NHSL1: variants seen among roughly 807,000 people sequenced by gnomAD.
NHSL1 encodes NHS-like protein 1.
A neutral mutation model predicts 95.0 loss-of-function variants in NHSL1; 48 were observed. The ratio of observed to expected loss-of-function variants is 0.51; its 90% CI spans 0.40 to 0.64. The LOEUF (loss-of-function observed/expected upper bound fraction) is 0.64. Ranked by LOEUF, NHSL1 falls within the 30% of genes least tolerant of loss-of-function variation. The probability of loss-of-function intolerance (pLI) is 0.00; values close to 1 mark genes in which losing one functional copy is unlikely to be tolerated. For synonymous variants in NHSL1, 783 were observed against 833.9 expected (o/e 0.94, Z 1.05); for missense variants, 1,971 against 2,077.7 (o/e 0.95, Z 1.00).
In NHSL1 at chr6:138,447,129, G is replaced by C. The variant is rs1291191455; in HGVS notation, c.404C>G (p.Ser135Ter). The stretch of plus-strand genomic sequence containing the variant: ...AGTATTAAGGTCGGAGAAGTCACTT[G>C]AGGCTGGTGTTTTAGGTCTCCTGAT... ...ISIRRPKTPA[S>*]SDFSDLNTQT... is the part of the protein sequence containing the mutation. The change falls in exon 4 of 8, where the codon TCA becomes TGA. Residue 135 changes from serine to a stop codon, truncating the protein, a stop_gained. Coordinates refer to ENST00000343505, the MANE Select transcript of NHSL1 (RefSeq NM_001144060.2). LOFTEE classifies it high-confidence loss of function. 1 of 1,551,788 alleles carries C rather than the reference G, an allele frequency of 6.4e-7. No individual in the cohort carries two copies. Among genetic ancestry groups the C allele is most frequent in the Admixed American group, 2.0e-5 (1 of 51,008 alleles).
intron 1 of NHSL1, among the ~76,000 whole-genome samples, chr6:138,687,505 C>G (rs566111097): frequency 6.6e-6 from 1 of 152,118 alleles, no homozygotes; most frequent in African/African-American, 2.4e-5. Flanking sequence ...AATTCTCAGT[C>G]CTGTTTATGC....
intron 1 of NHSL1, among the ~76,000 whole-genome samples, chr6:138,660,613 C>T (rs533095297): frequency 1.3e-5 from 2 of 151,304 alleles, no homozygotes; most frequent in East Asian, 1.9e-4. Context: ...TGCACTCCAA[C>T]CTGGGCAACA....
chr6:138,545,678 G>C, exon 1 of NHSL1: 2 of 1,289,098 alleles, frequency 1.6e-6, no homozygotes, highest in Non-Finnish European at 2.0e-6. Context: ...TCTGTGGTCT[G>C]ATGAAGCCTG....
intron 1 of NHSL1, among the ~76,000 whole-genome samples, chr6:138,674,319 GT>G (rs1464797698): frequency 3.3e-5 from 5 of 150,726 alleles, no homozygotes; most frequent in East Asian, 1.9e-4. Context: ...TTTATTGTGT[GT>G]TTTTTTTTAA....
intron 1 of NHSL1, among the ~76,000 whole-genome samples, chr6:138,569,153 G>A (rs1783726283): frequency 6.6e-6 from 1 of 152,144 alleles, no homozygotes; most frequent in African/African-American, 2.4e-5. Flanking sequence ...CCGCCAACCA[G>A]AGATCCCACA....
chr6:138,617,446 G>T (rs1784595175), intron 1 of NHSL1, among the ~76,000 whole-genome samples: 1 of 152,140 alleles, frequency 6.6e-6, no homozygotes. Flanking sequence ...GTCTCACACT[G>T]TCTCTCCCCT....
intron 1 of NHSL1, among the ~76,000 whole-genome samples, chr6:138,590,277 C>T (rs965911735): frequency 6.6e-5 from 10 of 152,336 alleles, no homozygotes; most frequent in Middle Eastern, 3.4e-3. Flanking sequence ...GGATTCCAGG[C>T]GTAAGCCACT....
chr6:138,666,246 T>C (rs1419294919), intron 1 of NHSL1, among the ~76,000 whole-genome samples: 5 of 151,930 alleles, frequency 3.3e-5, no homozygotes, highest in Non-Finnish European at 7.4e-5. Context: ...GAGGTTGCAG[T>C]GAGCCAAGAT....
At chr6:138,620,018 C>CAA (rs1428524567) in intron 1 of NHSL1, among the ~76,000 whole-genome samples, 3 of 149,344 alleles carry the variant, frequency 2.0e-5, no homozygotes, top group African/African-American at 7.4e-5. Flanking sequence ...AACAAAACAA[C>CAA]CATAACCTAA....
chr6:138,618,691 T>G (rs542683179), intron 1 of NHSL1, among the ~76,000 whole-genome samples: 13 of 152,196 alleles, frequency 8.5e-5, no homozygotes, highest in Admixed American at 2.0e-4. Context: ...TTTTCCCTTC[T>G]TCTTTCTTCT....
intron 1 of NHSL1, among the ~76,000 whole-genome samples, chr6:138,569,972 G>A (rs2114422212): frequency 6.6e-6 from 1 of 152,154 alleles, no homozygotes; most frequent in African/African-American, 2.4e-5. Context: ...AGGGATAAAG[G>A]GCACAATCTT....
chr6:138,598,194 C>T (rs1336770357), intron 1 of NHSL1, among the ~76,000 whole-genome samples: 1 of 152,004 alleles, frequency 6.6e-6, no homozygotes, highest in Non-Finnish European at 1.5e-5. Flanking sequence ...CGTGGTGGCT[C>T]ACGCCTGTAA....
chr6:138,594,440 T>C lies in NHSL1; in HGVS notation c.96+98036A>G, dbSNP rs550327867. ...GCAAAAACAGCCCCTGTACCTGTTCTTGGGGACTGACGTGACATCGTTGAG... is the reference window on the plus strand; with the variant it reads ...GCAAAAACAGCCCCTGTACCTGTTCCTGGGGACTGACGTGACATCGTTGAG... On this transcript the variant is annotated intron_variant, in intron 1 of 3. Transcript: ENST00000491526. Among the ~76,000 whole-genome samples, 35 of 152,300 alleles carry C rather than the reference T, an allele frequency of 2.3e-4. No homozygotes were observed. The East Asian group carries it at 6.7e-3, about 29-fold the overall frequency.
chr6:138,609,749 C>CAAAAAAAAAAAAAA (rs10687521), intron 1 of NHSL1, among the ~76,000 whole-genome samples: 12 of 106,218 alleles, frequency 1.1e-4, no homozygotes, highest in African/African-American at 3.2e-4. Flanking sequence ...GACTCTGTCT[C>CAAAAAAAAAAAAAA]AAAAAAAAAA....
At chr6:138,650,845 A>G (rs1038245758) in intron 1 of NHSL1, 1 of 541,356 alleles carries the variant, frequency 1.8e-6, no homozygotes, top group Non-Finnish European at 3.8e-6. Flanking sequence ...CCCAGGTCAC[A>G]GTGAAGAGGG....
chr6:138,691,637 G>C (rs562573309), intron 1 of NHSL1, among the ~76,000 whole-genome samples: 1 of 152,198 alleles, frequency 6.6e-6, no homozygotes, highest in Non-Finnish European at 1.5e-5. Flanking sequence ...CCAAGTTCAC[G>C]TACTTAAAAG....
chr6:138,612,828 T>C (rs1784531926), intron 1 of NHSL1, among the ~76,000 whole-genome samples: 1 of 152,238 alleles, frequency 6.6e-6, no homozygotes, highest in Non-Finnish European at 1.5e-5. Flanking sequence ...CTAAATGATT[T>C]AGTTTTTTCA....
At position 138,432,314 on chromosome 6, in the gene NHSL1, C is replaced by A; in HGVS notation, c.2031G>T (p.Arg677=). The change falls in exon 6 of 8, where the codon CGG becomes CGT. Residue 677 remains arginine (R), a synonymous_variant. Transcript: ENST00000343505. The surrounding 1 kb of genome is among the most constrained non-coding windows in gnomAD (Gnocchi z 4.4). The part of the protein sequence containing the change: ...KAKKPPLPPS[R]TDSLRRIPKK... ...TGGGAATCCTGCGGAGGGAGTCTGT[C>A]CGGGAGGGTGGCAGGGGAGGCTTCT... 6.4e-7 allele frequency: 1 copy of A among 1,551,600 alleles called. No individual in the cohort carries two copies. The highest frequency in any genetic ancestry group is 1.7e-4 in the Middle Eastern group (1 of 5,992).
At chr6:138,511,423 TGAGA>T (rs925751861) in intron 1 of NHSL1, among the ~76,000 whole-genome samples, 7 of 151,182 alleles carry the variant, frequency 4.6e-5, no homozygotes, top group African/African-American at 1.2e-4. Context: ...TGTGTGTGTG[TGAGA>T]GAGAGTGTGT....
Sources: gnomAD v4.1 joint callset for allele counts (sites outside exome capture counted in the v4.1 genomes callset) on GRCh38, gnomAD v4.1.1 for gene constraint, Gnocchi (gnomAD v3.1) non-coding constraint, MANE v1.5 for transcripts, NCBI Gene and HGNC (gene_info 2026-07-23, HGNC 2026-07-21) for gene names.